The following SACS variants were observed in gnomAD, a reference collection of about 807,000 sequenced individuals.
SACS encodes the protein sacsin molecular chaperone, also known as sacsin.
In SACS, 197 loss-of-function variants were observed where a neutral mutation model predicts 348.0. That is an observed-to-expected ratio of 0.57 (90% CI 0.50 to 0.64). SACS has a LOEUF of 0.64. Among genes scored for constraint, SACS ranks in the 30% least tolerant of loss-of-function variants. The pLI, the probability that SACS is intolerant of heterozygous loss-of-function variation, is 0.00. For synonymous variants in SACS, 1,985 were observed against 1,910.6 expected (o/e 1.04, Z -1.02); for missense variants, 4,999 against 5,360.8 (o/e 0.93, Z 2.11).
At chr13:23,418,364 T>C (rs1237402533) in intron 1 of SACS, among the ~76,000 whole-genome samples, 2 of 152,238 alleles carry the variant, frequency 1.3e-5, no homozygotes, top group Admixed American at 6.5e-5. Flanking sequence ...TAATTTTTAC[T>C]GTTTTCAACT....
At chr13:23,380,122 C>CGTGTGTGTGTGTGT (rs34243922) in intron 2 of SACS, among the ~76,000 whole-genome samples, 9,888 of 115,750 alleles carry the variant, frequency 0.085, 382 homozygotes, top group East Asian at 0.12. Flanking sequence ...GGGATTCCCT[C>CGTGTGTGTGTGTGT]GTGTGTGTGT....
intron 1 of SACS, among the ~76,000 whole-genome samples, chr13:23,421,639 A>G (rs1191127102): frequency 6.6e-6 from 1 of 151,806 alleles, no homozygotes; most frequent in Admixed American, 6.6e-5. Context: ...GGTGCCTGAT[A>G]TACATCTTAA....
At chr13:23,401,178 A>G (rs1043991271) in intron 2 of SACS, among the ~76,000 whole-genome samples, 1 of 152,218 alleles carries the variant, frequency 6.6e-6, no homozygotes, top group Non-Finnish European at 1.5e-5. Context: ...TATAAGAGGA[A>G]AAGATCTTGG....
At chr13:23,428,185 C>G (rs369383578) in intron 1 of SACS, 10 of 152,212 alleles carry the variant, frequency 6.6e-5, no homozygotes, top group African/African-American at 2.4e-4. Context: ...TTGGTTCAAC[C>G]AAATTCATAC....
intron 3 of SACS, 67 bp downstream of exon 3, chr13:23,375,052 G>A: frequency 1.5e-6 from 2 of 1,357,418 alleles, no homozygotes; most frequent in Non-Finnish European, 9.5e-7. Flanking sequence ...CGCCCACCCC[G>A]GGCCCTCGAC....
chr13:23,433,583 C>T (rs1190788161), intron 1 of SACS, 32 bp downstream of exon 1: 3 of 152,446 alleles, frequency 2.0e-5, no homozygotes, highest in African/African-American at 7.2e-5. Context: ...CAGCTGCCCT[C>T]GCTGGCCACC....
At chr13:23,406,833 G>A (rs1873244277) in intron 2 of SACS, among the ~76,000 whole-genome samples, 1 of 152,034 alleles carries the variant, frequency 6.6e-6, no homozygotes, top group Admixed American at 6.6e-5. Context: ...ATCTTACTTT[G>A]GTTATCTTGA....
chr13:23,372,105 G>A (rs557078690), intron 3 of SACS, among the ~76,000 whole-genome samples: 2 of 152,256 alleles, frequency 1.3e-5, no homozygotes, highest in South Asian at 2.1e-4. Context: ...AATTTTTGTT[G>A]TGAAGAATGG....
chr13:23,423,374 A>C (rs1449858052), intron 1 of SACS, among the ~76,000 whole-genome samples: 2 of 152,200 alleles, frequency 1.3e-5, no homozygotes, highest in Non-Finnish European at 2.9e-5. Flanking sequence ...CTAAGGAATG[A>C]CATTCCATAG....
At chr13:23,350,729 A>G (rs979475630) in intron 9 of SACS, among the ~76,000 whole-genome samples, 2 of 152,186 alleles carry the variant, frequency 1.3e-5, no homozygotes, top group African/African-American at 4.8e-5. Flanking sequence ...CATGTCTGTG[A>G]TGCTCCCTAC....
intron 3 of SACS, among the ~76,000 whole-genome samples, chr13:23,371,744 C>T (rs1355917983): frequency 1.3e-5 from 2 of 152,110 alleles, no homozygotes; most frequent in Non-Finnish European, 2.9e-5. Flanking sequence ...TCCATACATA[C>T]GTAAGTATAC....
chr13:23,423,957 C>T (rs932171852), intron 1 of SACS, among the ~76,000 whole-genome samples: 1 of 152,028 alleles, frequency 6.6e-6, no homozygotes, highest in African/African-American at 2.4e-5. Context: ...AGTATCCATC[C>T]CTAATAACTA....
chr13:23,390,541 T>C (rs1872493337), intron 2 of SACS, among the ~76,000 whole-genome samples: 1 of 152,078 alleles, frequency 6.6e-6, no homozygotes, highest in Admixed American at 6.5e-5. Flanking sequence ...ATATTTAGTG[T>C]GTGGGGGCAC....
At chr13:23,356,577 T>C (rs1359906037) in intron 7 of SACS, among the ~76,000 whole-genome samples, 1 of 152,254 alleles carries the variant, frequency 6.6e-6, no homozygotes, top group Admixed American at 6.5e-5. Flanking sequence ...TATTGAAAGA[T>C]ACCCATCTTT....
chr13:23,407,835 G>A (rs9552953), intron 2 of SACS, among the ~76,000 whole-genome samples: 42,872 of 151,988 alleles, frequency 0.28, 6,630 homozygotes, highest in East Asian at 0.44. Flanking sequence ...CCCTGACTCC[G>A]GCTATCTGAT....
intron 2 of SACS, among the ~76,000 whole-genome samples, chr13:23,375,767 T>TCCGCCTGCCAGGCC (rs1446358891): frequency 2.1e-5 from 3 of 143,922 alleles, no homozygotes; most frequent in South Asian, 2.3e-4. Flanking sequence ...CCCACCAGGC[T>TCCGCCTGCCAGGCC]CCGCCTGCCA....
At chr13:23,359,096 T>C (rs1224760941) in intron 6 of SACS, among the ~76,000 whole-genome samples, 1 of 151,904 alleles carries the variant, frequency 6.6e-6, no homozygotes, top group East Asian at 1.9e-4. Context: ...ATAGGAGAAC[T>C]GCTTGAACCC....
chr13:23,336,637 T>C lies in SACS; in HGVS notation c.7239A>G (p.Thr2413=). The change falls in exon 10 of 10, where the codon ACA becomes ACG. Residue 2413 remains threonine, a synonymous_variant. Transcript: ENST00000382292. ...GAAAATTCTCTTCTGTTATTTGCTTTGTTCCTCTTTCTTGATCAATAGATT... is the reference window on the plus strand; with the variant it reads ...GAAAATTCTCTTCTGTTATTTGCTTCGTTCCTCTTTCTTGATCAATAGATT... The part of the protein sequence containing the change: ...VLESIDQERG[T]KQITEENFQL... 1 of 1,613,892 alleles carries C rather than the reference T, an allele frequency of 6.2e-7. No individual in the cohort carries two copies. The highest frequency in any genetic ancestry group is 1.3e-5 in the African/African-American group (1 of 75,044).
intron 9 of SACS, among the ~76,000 whole-genome samples, chr13:23,341,909 C>T (rs1438799620): frequency 6.6e-6 from 1 of 151,314 alleles, no homozygotes; most frequent in African/African-American, 2.4e-5. Context: ...GCCTCAGCCT[C>T]CCGAGTAGCT....
Sources: gnomAD v4.1 joint callset for allele counts (sites outside exome capture counted in the v4.1 genomes callset) on GRCh38, gnomAD v4.1.1 for gene constraint, MANE v1.5 for transcripts, NCBI Gene and HGNC (gene_info 2026-07-23, HGNC 2026-07-21) for gene names.